The following EXD3 variants were observed in gnomAD, a reference collection of about 807,000 sequenced individuals.
EXD3 encodes exonuclease mut-7 homolog.
A neutral mutation model predicts 98.0 loss-of-function variants in EXD3; 92 were observed. The observed-to-expected ratio is 0.94, with a 90% CI of 0.79 to 1.12. The LOEUF is 1.12. Ranked by LOEUF, EXD3 falls within the 50% of genes most tolerant of loss-of-function variation. EXD3 has a pLI of 0.00. For missense variants in EXD3, 1,222 were observed against 1,191.6 expected (o/e 1.03, Z -0.38); for synonymous variants, 569 against 526.0 (o/e 1.08, Z -1.12).
chr9:137,373,330 C>T (rs966594355), intron 4 of EXD3, 96 bp downstream of exon 4: 128 of 1,412,706 alleles, frequency 9.1e-5, no homozygotes, highest in South Asian at 1.3e-4. Flanking sequence ...GCTTGCTGAG[C>T]GGGCTGCAAA....
intron 12 of EXD3, 92 bp downstream of exon 12, chr9:137,351,974 C>CCT: frequency 6.8e-7 from 1 of 1,476,926 alleles, no homozygotes. Context: ...AGAGGCCTTG[C>CCT]CTCTCTCCGA....
At chr9:137,415,400 G>T (rs888984292) in intron 1 of EXD3, among the ~76,000 whole-genome samples, 6 of 151,976 alleles carry the variant, frequency 3.9e-5, no homozygotes, top group Admixed American at 6.6e-5. Context: ...CTCCATGTTC[G>T]CCAGGCTGGT....
chr9:137,322,021 G>A (rs1167622781), intron 19 of EXD3, among the ~76,000 whole-genome samples: 2 of 152,198 alleles, frequency 1.3e-5, no homozygotes, highest in Non-Finnish European at 2.9e-5. Flanking sequence ...CAGGAGAGGA[G>A]GGAGAGAGGT....
At chr9:137,359,958 G>A (rs1385674316) in intron 7 of EXD3, among the ~76,000 whole-genome samples, 1 of 86,708 alleles carries the variant, frequency 1.2e-5, no homozygotes, top group African/African-American at 3.2e-5. Flanking sequence ...TACTTTTTTT[G>A]CTTTAGTAGA....
In EXD3 at chr9:137,385,194, C is replaced by T. The variant is rs1435737199; in HGVS notation, c.56-1817G>A. Among the ~76,000 whole-genome samples, 1 of 152,214 alleles carries T rather than the reference C, an allele frequency of 6.6e-6. No homozygotes were observed. On this transcript the variant is annotated intron_variant, in intron 2 of 21. Coordinates refer to ENST00000340951, the MANE Select transcript of EXD3 (RefSeq NM_017820.5). This position sits in a 1 kb window ranked among gnomAD's most constrained non-coding sequence, Gnocchi z 4.4. ...GGGTGGCACAGGCCAGTGTTCCCGT[C>T]TGCGCTCAGAACCGTCCCACCATCG...
At chr9:137,330,373 GCTACACAGGA>G (rs1171057751) in intron 17 of EXD3, among the ~76,000 whole-genome samples, 2 of 118,080 alleles carry the variant, frequency 1.7e-5, no homozygotes, top group Non-Finnish European at 3.4e-5. Context: ...CTACACAGGA[GCTACACAGGA>G]CTACACAGGA....
chr9:137,350,924 A>G, intron 14 of EXD3, 114 bp downstream of exon 14: 1 of 799,764 alleles, frequency 1.3e-6, no homozygotes, highest in Non-Finnish European at 2.0e-6. Flanking sequence ...GGCTGTGCTG[A>G]CAGGAATCCG....
At chr9:137,350,776 G>A (rs1834256462) in intron 14 of EXD3, among the ~76,000 whole-genome samples, 1 of 152,010 alleles carries the variant, frequency 6.6e-6, no homozygotes, top group Admixed American at 6.5e-5. Context: ...CCAGGGCTCA[G>A]GTCTGGGGGA....
intron 17 of EXD3, among the ~76,000 whole-genome samples, chr9:137,345,301 C>G (rs1373127166): frequency 1.3e-5 from 2 of 152,198 alleles, no homozygotes; most frequent in Non-Finnish European, 2.9e-5. Context: ...AAATGAAACT[C>G]AAGGTATAAT....
At chr9:137,313,648 G>A (rs1021368759) in intron 19 of EXD3, among the ~76,000 whole-genome samples, 3 of 152,120 alleles carry the variant, frequency 2.0e-5, no homozygotes, top group South Asian at 2.1e-4. Context: ...GGTGGGGTCC[G>A]TCGGGCTGGG....
chr9:137,367,789 G>A, intron 6 of EXD3, 147 bp downstream of exon 6: 1 of 699,610 alleles, frequency 1.4e-6, no homozygotes, highest in African/African-American at 1.8e-5. Flanking sequence ...GGTTTAGGGG[G>A]CTCTGGAGGC....
chr9:137,361,195 G>A (rs1834985388), intron 7 of EXD3, among the ~76,000 whole-genome samples: 1 of 87,168 alleles, frequency 1.1e-5, no homozygotes, highest in African/African-American at 3.2e-5. Context: ...CCCTGAGTTC[G>A]CAGAGAAGAG....
chr9:137,327,902 A>T (rs1832540447), intron 17 of EXD3, among the ~76,000 whole-genome samples: 1 of 144,106 alleles, frequency 6.9e-6, no homozygotes, highest in African/African-American at 2.6e-5. Flanking sequence ...CCACATGATG[A>T]GTAAAAACAA....
At position 137,306,963 on chromosome 9, in the gene EXD3, C is replaced by T; in HGVS notation, c.2618G>A (p.Ser873Asn). 5 of 1,580,538 alleles carry T rather than the reference C, an allele frequency of 3.2e-6. No homozygotes were observed. Among genetic ancestry groups the T allele is most frequent in the Middle Eastern group, 1.7e-4 (1 of 5,872 alleles). ...GTCTGGCTGTCCTCAGAAGGGACTG[C>T]TGGCCGGGCTGGGGGCTGGGCTCGG... ...CEPSPAPSPASSPF is the reference protein window; with the variant it reads ...CEPSPAPSPANSPF The change falls in exon 22 of 22, where the codon AGC becomes AAC. Residue 873 changes from serine to asparagine, a missense_variant. Physicochemically the swap from Ser to Asn is conservative, Grantham distance 46. Transcript: ENST00000340951.
rs1054395622 is a variant in EXD3, at chr9:137,405,266, CG to C, written c.-47-9863del. On this transcript the variant is annotated intron_variant, in intron 1 of 21. Transcript: ENST00000340951. This position sits in a 1 kb window ranked among gnomAD's most constrained non-coding sequence, Gnocchi z 4.1. Reference sequence around the variant, plus strand: ...CCACAGAGGGCTGGGCCAGCACCCCCGGGGGAAGGCGGTGGGCACCCAGGGC... The same window carrying C: ...CCACAGAGGGCTGGGCCAGCACCCCCGGGGAAGGCGGTGGGCACCCAGGGC... 6.6e-6 allele frequency among the ~76,000 whole-genome samples: 1 copy of C among 152,208 alleles called. No homozygotes were observed. The highest frequency in any genetic ancestry group is 2.4e-5 in the African/African-American group (1 of 41,460).
At chr9:137,314,910 C>G (rs952688477) in intron 19 of EXD3, among the ~76,000 whole-genome samples, 1 of 152,204 alleles carries the variant, frequency 6.6e-6, no homozygotes, top group African/African-American at 2.4e-5. Flanking sequence ...CCCTCGTGCG[C>G]GGGGAGACGT....
In EXD3 at chr9:137,373,591, C is replaced by T. The variant is rs764285543; in HGVS notation, c.129G>A (p.Glu43=). The T allele has an allele frequency of 5.0e-6, 8 of 1,598,902 alleles. No homozygotes were observed. The South Asian group carries it at 7.9e-5, about 16-fold the overall frequency. ...WSTRERKQLR[E]EAWRGFAALD... The stretch of plus-strand genomic sequence containing the variant: ...AGGCAGCAAACCCCCGCCAGGCTTC[C>T]TCCCGGAGCTGTGGAGACACAAAAC... The change falls in exon 4 of 22, where the codon GAG becomes GAA. Residue 43 remains glutamate, a synonymous_variant. Coordinates refer to ENST00000340951, the MANE Select transcript of EXD3 (RefSeq NM_017820.5).
chr9:137,313,919 T>C (rs1011309663), intron 19 of EXD3, among the ~76,000 whole-genome samples: 3 of 152,150 alleles, frequency 2.0e-5, no homozygotes, highest in South Asian at 2.1e-4. Flanking sequence ...TGGACAGGCC[T>C]CTGCACGGCT....
At chr9:137,404,557 G>A (rs1588430617) in intron 1 of EXD3, among the ~76,000 whole-genome samples, 1 of 152,122 alleles carries the variant, frequency 6.6e-6, no homozygotes, top group Non-Finnish European at 1.5e-5. Context: ...GAAAAATCAT[G>A]CAAAAAAAAT....
Sources: gnomAD v4.1 joint callset for allele counts (sites outside exome capture counted in the v4.1 genomes callset) on GRCh38, gnomAD v4.1.1 for gene constraint, Gnocchi (gnomAD v3.1) non-coding constraint, MANE v1.5 for transcripts, NCBI Gene and HGNC (gene_info 2026-07-23, HGNC 2026-07-21) for gene names.